Variants in SYN3 observed in about 807,000 individuals in gnomAD.
The protein encoded by SYN3 is synapsin III.
A neutral mutation model predicts 65.8 loss-of-function variants in SYN3; 35 were observed. The ratio of observed to expected loss-of-function variants is 0.53; its 90% CI spans 0.41 to 0.70. The LOEUF (loss-of-function observed/expected upper bound fraction) is 0.70. Among genes scored for constraint, SYN3 ranks in the 30% least tolerant of loss-of-function variants. The pLI is 0.00. For missense variants in SYN3, 680 were observed against 749.0 expected (o/e 0.91, Z 1.08); for synonymous variants, 270 against 292.9 (o/e 0.92, Z 0.80).
Position 32,638,842 on chromosome 22 carries a change from G to A in SYN3, c.712-42106C>T, listed in dbSNP as rs190723879. On this transcript the variant is annotated intron_variant, in intron 6 of 13. Coordinates refer to ENST00000358763, the MANE Select transcript of SYN3 (RefSeq NM_003490.4). ...AATTAGGTCCCACTTGTCAATTTTTGTTTTTGTTGCAATTGCTTTTTAGGA... is the reference window on the plus strand; with the variant it reads ...AATTAGGTCCCACTTGTCAATTTTTATTTTTGTTGCAATTGCTTTTTAGGA... Among the ~76,000 whole-genome samples the A allele has an allele frequency of 4.6e-5, 7 of 152,152 alleles. No homozygotes were observed. In the East Asian group the frequency reaches 1.4e-3, roughly 29 times the overall value.
At chr22:32,576,547 C>A (rs2058853384) in intron 7 of SYN3, among the ~76,000 whole-genome samples, 1 of 152,126 alleles carries the variant, frequency 6.6e-6, no homozygotes, top group Non-Finnish European at 1.5e-5. Context: ...AATGTTAAAA[C>A]CTGAACCCAT....
chr22:32,639,452 C>T (rs2059865112), intron 6 of SYN3, among the ~76,000 whole-genome samples: 1 of 152,168 alleles, frequency 6.6e-6, no homozygotes, highest in Non-Finnish European at 1.5e-5. Flanking sequence ...TTCCATTGGT[C>T]TATGTGTCTG....
At chr22:32,982,336 C>T (rs1350762689) in intron 2 of SYN3, among the ~76,000 whole-genome samples, 6 of 152,092 alleles carry the variant, frequency 3.9e-5, no homozygotes, top group South Asian at 2.1e-4. Context: ...ATCTGCCATC[C>T]GTCCGTCCTT....
chr22:32,908,715 C>A (rs192495294), intron 4 of SYN3, among the ~76,000 whole-genome samples: 1 of 152,254 alleles, frequency 6.6e-6, no homozygotes, highest in African/African-American at 2.4e-5. Flanking sequence ...GTAGCGGTGA[C>A]AGGCCACGTG....
intron 12 of SYN3, among the ~76,000 whole-genome samples, chr22:32,520,143 A>G (rs868239249): frequency 1.2e-4 from 18 of 152,188 alleles, no homozygotes; most frequent in Middle Eastern, 6.8e-3. Context: ...GTATGTATGT[A>G]TATATATAAT....
chr22:32,809,978 G>A (rs1311789306), intron 6 of SYN3, among the ~76,000 whole-genome samples: 1 of 152,130 alleles, frequency 6.6e-6, no homozygotes. Flanking sequence ...ACCATGCCTG[G>A]GATAGACAGC....
In SYN3 at chr22:33,037,532, G is replaced by A. The variant is rs115827887; in HGVS notation, c.-163+20760C>T. On this transcript the variant is annotated intron_variant, in intron 1 of 13. Coordinates refer to ENST00000358763, the MANE Select transcript of SYN3 (RefSeq NM_003490.4). Reference sequence around the variant, plus strand: ...ATTAATCATAGTCTGTTGCATTCTTGTACATGCCAGGCACTTGGCTAGGCA... The same window carrying A: ...ATTAATCATAGTCTGTTGCATTCTTATACATGCCAGGCACTTGGCTAGGCA... Among the ~76,000 whole-genome samples the A allele has an allele frequency of 5.7e-3, 865 of 152,260 alleles. 10 individuals are homozygous for A. The highest frequency in any genetic ancestry group is 0.02 in the African/African-American group (824 of 41,542).
intron 3 of SYN3, among the ~76,000 whole-genome samples, chr22:32,957,206 G>A (rs2051492869): frequency 6.6e-6 from 1 of 152,190 alleles, no homozygotes; most frequent in Non-Finnish European, 1.5e-5. Flanking sequence ...AGGGCTCCAA[G>A]ATTAGCACAA....
chr22:32,780,934 T>TTTCCTTCCTTCCTTCCTTCCTTCCTTCC lies in SYN3; in HGVS notation c.711+83953_711+83980dup, dbSNP rs71187216. 4.7e-4 allele frequency among the ~76,000 whole-genome samples: 39 copies of TTTCCTTCCTTCCTTCCTTCCTTCCTTCC among 82,676 alleles called. 1 individual carries two copies. The highest frequency in any genetic ancestry group is 1.6e-3 in the African/African-American group (29 of 17,666). 54.2% of individuals were successfully genotyped at this position (82,676 alleles called of 152,430 possible). A position where few individuals can be genotyped will look rare whatever the true frequency, so the allele number is the denominator to read the frequency against. On this transcript the variant is annotated intron_variant, in intron 6 of 13. Transcript: ENST00000358763. ...CTTGCTTCCTTCCTTCCTTCCTTCC[T>TTTCCTTCCTTCCTTCCTTCCTTCCTTCC]TTCCTTCCTTCCTTCCTTCCTTCCT...
At chr22:32,646,112 T>G (rs940944988) in intron 6 of SYN3, among the ~76,000 whole-genome samples, 6 of 151,836 alleles carry the variant, frequency 4.0e-5, no homozygotes, top group Non-Finnish European at 1.5e-5. Flanking sequence ...CCTACTGAGG[T>G]ATGAGAATAG....
intron 4 of SYN3, among the ~76,000 whole-genome samples, chr22:32,873,586 T>C (rs888983141): frequency 1.3e-5 from 2 of 152,298 alleles, no homozygotes; most frequent in Admixed American, 6.5e-5. Flanking sequence ...TCCTCTCTGA[T>C]CAGAGAACCA....
chr22:32,739,482 C>T lies in SYN3; in HGVS notation c.711+125433G>A, dbSNP rs1350496619. 2.0e-5 allele frequency among the ~76,000 whole-genome samples: 3 copies of T among 151,826 alleles called. No individual in the cohort carries two copies. In the East Asian group the frequency reaches 5.8e-4, roughly 29 times the overall value. On this transcript the variant is annotated intron_variant, in intron 6 of 13. Transcript: ENST00000358763. ...CAAAGTCCCCAGCAGTGGCTACTAC[C>T]TTCAACTCCATTTCACAGATGAGGA...
intron 6 of SYN3, among the ~76,000 whole-genome samples, chr22:32,739,387 T>C (rs1204733396): frequency 5.3e-5 from 8 of 151,998 alleles, no homozygotes; most frequent in Admixed American, 4.6e-4. Context: ...TTTTTTTTTT[T>C]TTTATAAATT....
chr22:32,573,532 A>G (rs138871596), intron 7 of SYN3, among the ~76,000 whole-genome samples: 3 of 152,198 alleles, frequency 2.0e-5, no homozygotes, highest in Non-Finnish European at 4.4e-5. Flanking sequence ...GATGAACTCT[A>G]TCATACATGT....
chr22:33,028,166 C>T (rs1208966864), intron 1 of SYN3, among the ~76,000 whole-genome samples: 1 of 152,134 alleles, frequency 6.6e-6, no homozygotes, highest in African/African-American at 2.4e-5. Flanking sequence ...GAGAGGAATC[C>T]CAGCCCGTGG....
intron 4 of SYN3, among the ~76,000 whole-genome samples, chr22:32,897,500 G>T (rs1177278085): frequency 6.6e-6 from 1 of 152,152 alleles, no homozygotes; most frequent in East Asian, 1.9e-4. Context: ...CTGCTTCCCC[G>T]CCGGCCTCCC....
At chr22:32,655,817 T>C (rs1417159595) in intron 6 of SYN3, among the ~76,000 whole-genome samples, 1 of 152,128 alleles carries the variant, frequency 6.6e-6, no homozygotes. Context: ...AGGTGCACAA[T>C]AAATGTAATG....
chr22:32,513,713 A>G lies in SYN3; in HGVS notation c.1722T>C (p.Phe574=). The G allele has an allele frequency of 6.2e-7, 1 of 1,614,182 alleles. No homozygotes were observed. The part of the protein sequence containing the change: ...AETIRNLRKS[F]ASLFSD ...GGCGTTAGTCAGAGAACAGGCTGGC[A>G]AAAGACTTCCTCAGGTTGCGGATGG... Residue 574 remains phenylalanine (F), a synonymous_variant, in exon 14 of 14, where the codon TTT becomes TTC. Transcript: ENST00000358763.
At chr22:32,613,176 C>T (rs2059470003) in intron 6 of SYN3, among the ~76,000 whole-genome samples, 1 of 151,846 alleles carries the variant, frequency 6.6e-6, no homozygotes, top group Admixed American at 6.6e-5. Context: ...TCAATTAAGC[C>T]TCCTTTTTTT....
Sources: allele counts gnomAD v4.1 joint callset (sites outside exome capture counted in the v4.1 genomes callset), GRCh38; gene constraint gnomAD v4.1.1; transcripts MANE v1.5; gene names NCBI Gene and HGNC (gene_info 2026-07-23, HGNC 2026-07-21).